The following CFAP91 variants were observed in gnomAD, a reference collection of about 807,000 sequenced individuals.
CFAP91 encodes cilia and flagella associated protein 91.
A neutral mutation model predicts 95.9 loss-of-function variants in CFAP91; 85 were observed. The ratio of observed to expected loss-of-function variants is 0.89; its 90% CI spans 0.74 to 1.06. The LOEUF is 1.06. CFAP91 is among the 50% of genes least tolerant of loss of function. CFAP91 has a pLI of 0.00. For missense variants in CFAP91, 962 were observed against 943.4 expected (o/e 1.02, Z -0.26); for synonymous variants, 335 against 327.5 (o/e 1.02, Z -0.25).
chr3:119,756,340 A>G (rs937441146), intron 17 of CFAP91, among the ~76,000 whole-genome samples: 1 of 152,188 alleles, frequency 6.6e-6, no homozygotes, highest in African/African-American at 2.4e-5. Flanking sequence ...AGGCAAACAT[A>G]TTCTTCATGC....
chr3:119,727,620 CA>C (rs1464349687), intron 7 of CFAP91, among the ~76,000 whole-genome samples: 1 of 152,028 alleles, frequency 6.6e-6, no homozygotes, highest in Non-Finnish European at 1.5e-5. Flanking sequence ...TCCACTGGGG[CA>C]GGGGGAGCAG....
At chr3:119,743,742 A>G (rs889638465) in intron 13 of CFAP91, among the ~76,000 whole-genome samples, 2 of 152,204 alleles carry the variant, frequency 1.3e-5, no homozygotes, top group Admixed American at 6.5e-5. Flanking sequence ...CCTCTTGCTT[A>G]TTTGAGGGCT....
At chr3:119,747,701 A>C in intron 15 of CFAP91, 110 bp from the exon 16 acceptor site, 1 of 846,602 alleles carries the variant, frequency 1.2e-6, no homozygotes, top group Non-Finnish European at 1.8e-6. Context: ...TAATCAAGGA[A>C]AAGGTGATGG....
Position 119,715,753 on chromosome 3 carries a change from T to C in CFAP91, c.682+10T>C. 3 of 1,612,224 alleles carry C rather than the reference T, an allele frequency of 1.9e-6. No homozygotes were observed. On this transcript the variant is annotated intron_variant, in intron 6 of 17. Transcript: ENST00000273390. ...GCTACGCTTACTTGGGGTGAGTTGG[T>C]AAATCTCCTGACTATTGGCAGATGA...
chr3:119,759,945 A>C (rs2054505343), intron 17 of CFAP91, among the ~76,000 whole-genome samples: 2 of 151,958 alleles, frequency 1.3e-5, no homozygotes, highest in African/African-American at 4.8e-5. Flanking sequence ...TTACAAAGGA[A>C]TACAGCAAGA....
intron 8 of CFAP91, among the ~76,000 whole-genome samples, chr3:119,731,836 G>A (rs567701506): frequency 1.3e-5 from 2 of 152,354 alleles, no homozygotes; most frequent in South Asian, 2.1e-4. Context: ...AGTTCAGAAA[G>A]CTGTAAGCTG....
intron 6 of CFAP91, among the ~76,000 whole-genome samples, chr3:119,716,914 G>T (rs892065951): frequency 1.3e-5 from 2 of 152,086 alleles, no homozygotes; most frequent in Non-Finnish European, 1.5e-5. Flanking sequence ...TAAAGCAGAG[G>T]CTCTACTTTC....
At chr3:119,714,959 T>A (rs182321615) in intron 5 of CFAP91, among the ~76,000 whole-genome samples, 57 of 152,314 alleles carry the variant, frequency 3.7e-4, no homozygotes, top group African/African-American at 1.3e-3. Flanking sequence ...TTAATTTTTT[T>A]AAAGATCTGG....
intron 6 of CFAP91, among the ~76,000 whole-genome samples, chr3:119,720,724 T>C (rs2053668002): frequency 6.6e-6 from 1 of 152,220 alleles, no homozygotes; most frequent in Non-Finnish European, 1.5e-5. Context: ...TATTACTTAG[T>C]ATTGGTAGCA....
chr3:119,750,620 G>A (rs1421446003), intron 16 of CFAP91: 9 of 344,738 alleles, frequency 2.6e-5, no homozygotes, highest in Middle Eastern at 8.5e-4. Context: ...ACTCAAGTGC[G>A]GTAAGTGGTA....
intron 9 of CFAP91, among the ~76,000 whole-genome samples, chr3:119,732,892 T>C (rs562447242): frequency 5.3e-4 from 80 of 152,360 alleles, no homozygotes; most frequent in African/African-American, 1.7e-3. Flanking sequence ...ATACCTCTTA[T>C]GAAGTTCAAA....
At chr3:119,714,719 A>T (rs978359258) in intron 5 of CFAP91, among the ~76,000 whole-genome samples, 3 of 152,192 alleles carry the variant, frequency 2.0e-5, no homozygotes, top group Non-Finnish European at 4.4e-5. Flanking sequence ...AAGGCTATTT[A>T]AACTTTTTAT....
At position 119,707,544 on chromosome 3, in the gene CFAP91, C is replaced by A; in HGVS notation, c.342C>A (p.Ala114=). ...GACATAAGGAGAAACACAGAGAAGC[C>A]CTCCGGCAGCTCACCACGTAAGTGT... ...WKGHKEKHRE[A]LRQLTTTDAS... The change falls in exon 3 of 18, where the codon GCC becomes GCA. Residue 114 remains alanine, a synonymous_variant. Transcript: ENST00000273390. The A allele has an allele frequency of 6.3e-7, 1 of 1,575,476 alleles. No homozygotes were observed. Among genetic ancestry groups the A allele is most frequent in the Non-Finnish European group, 8.7e-7 (1 of 1,154,102 alleles).
intron 6 of CFAP91, among the ~76,000 whole-genome samples, chr3:119,719,565 T>A (rs1001836783): frequency 6.6e-6 from 1 of 152,164 alleles, no homozygotes; most frequent in African/African-American, 2.4e-5. Flanking sequence ...GTTAAATGAA[T>A]AATAAAGTTG....
chr3:119,721,094 T>C (rs995225160), intron 6 of CFAP91, among the ~76,000 whole-genome samples: 1 of 152,092 alleles, frequency 6.6e-6, no homozygotes, highest in East Asian at 1.9e-4. Flanking sequence ...TGCAAAAAAA[T>C]TCTAAATAAG....
In CFAP91 at chr3:119,733,254, C is replaced by A. The variant is rs1037918865; in HGVS notation, c.1202-110C>A. The A allele has an allele frequency of 4.0e-5, 45 of 1,120,864 alleles. No homozygotes were observed. The East Asian group carries it at 1.1e-3, about 28-fold the overall frequency. 69.4% of individuals were successfully genotyped at this position (1,120,864 alleles called of 1,614,324 possible). On this transcript the variant is annotated intron_variant, in intron 9 of 17. Coordinates refer to ENST00000273390, the MANE Select transcript of CFAP91 (RefSeq NM_033364.4). ...TTCTATTATATGAGATACACCCTCTCAACAATTCTAATGAAACTGCTTGGC... is the reference window on the plus strand; with the variant it reads ...TTCTATTATATGAGATACACCCTCTAAACAATTCTAATGAAACTGCTTGGC...
At chr3:119,739,930 T>A (rs969139998) in intron 12 of CFAP91, among the ~76,000 whole-genome samples, 3 of 152,208 alleles carry the variant, frequency 2.0e-5, no homozygotes, top group Non-Finnish European at 4.4e-5. Context: ...TTCCCGAGTG[T>A]AAAGCCTTAG....
chr3:119,717,080 A>G (rs534751934), intron 6 of CFAP91, among the ~76,000 whole-genome samples: 1 of 152,350 alleles, frequency 6.6e-6, no homozygotes, highest in African/African-American at 2.4e-5. Flanking sequence ...CCTAAGAAAG[A>G]AGTAGCTGGG....
At position 119,706,394 on chromosome 3, in the gene CFAP91, G is replaced by A. The variant is rs2053363952; in HGVS notation, c.125-415G>A. On this transcript the variant is annotated intron_variant, in intron 1 of 17. Transcript: ENST00000273390. ...TCTAGTGCACCAAATATGGGAGATG[G>A]TATAAATGTATTGCTTCTTTCACTT... The A allele has an allele frequency of 2.6e-5, 4 of 155,498 alleles. No individual in the cohort carries two copies. The East Asian group carries it at 5.7e-4, about 22-fold the overall frequency. The allele number at this position is 155,498 out of a possible 1,614,324, so 9.6% of individuals were successfully genotyped here. A position where few individuals can be genotyped will look rare whatever the true frequency, so the allele number is the denominator to read the frequency against.
Sources: allele counts gnomAD v4.1 joint callset (sites outside exome capture counted in the v4.1 genomes callset), GRCh38; gene constraint gnomAD v4.1.1; transcripts MANE v1.5; gene names NCBI Gene and HGNC (gene_info 2026-07-23, HGNC 2026-07-21).